Variants in FOXP1 observed in about 807,000 individuals in gnomAD.
The protein encoded by FOXP1 is forkhead box protein P1.
FOXP1 carries 15 observed loss-of-function variants against 98.2 expected under a neutral mutation model. That is an observed-to-expected ratio of 0.15 (90% CI 0.10 to 0.24). The LOEUF is 0.24. FOXP1 is among the 10% of genes least tolerant of loss of function. The pLI is 1.00. For synonymous variants in FOXP1, 371 were observed against 314.5 expected, an observed-to-expected ratio of 1.18 and a Z score of -1.90; for missense variants, 633 against 848.5, an observed-to-expected ratio of 0.75 and a Z score of 3.15.
chr3:71,317,129 T>C (rs1178266211), intron 4 of FOXP1, among the ~76,000 whole-genome samples: 1 of 152,216 alleles, frequency 6.6e-6, no homozygotes, highest in Non-Finnish European at 1.5e-5. Context: ...CCACTTTTAC[T>C]ACCCTCTAGG....
intron 5 of FOXP1, among the ~76,000 whole-genome samples, chr3:71,281,481 C>G (rs989751503): frequency 6.6e-6 from 1 of 152,168 alleles, no homozygotes; most frequent in Non-Finnish European, 1.5e-5. Flanking sequence ...ATTCTGGCTC[C>G]CTGCCCTGTA....
At chr3:70,967,700 G>GTA (rs2035201648) in intron 19 of FOXP1, among the ~76,000 whole-genome samples, 1 of 63,628 alleles carries the variant, frequency 1.6e-5, no homozygotes, top group African/African-American at 5.4e-5. Context: ...TTTTTTTTTT[G>GTA]TTTTTTTTTG....
chr3:71,540,285 T>G (rs2044689692), intron 2 of FOXP1, among the ~76,000 whole-genome samples: 1 of 152,220 alleles, frequency 6.6e-6, no homozygotes, highest in Non-Finnish European at 1.5e-5. Context: ...CTGAGCTTTT[T>G]GCAAACAGCA....
chr3:71,535,181 G>T (rs1002439886), intron 2 of FOXP1, among the ~76,000 whole-genome samples: 2 of 152,188 alleles, frequency 1.3e-5, no homozygotes, highest in Non-Finnish European at 2.9e-5. Context: ...CAAACCAGGT[G>T]CATCTGGCCC....
chr3:70,980,059 C>G (rs958433843), intron 14 of FOXP1, among the ~76,000 whole-genome samples: 1 of 152,106 alleles, frequency 6.6e-6, no homozygotes, highest in Non-Finnish European at 1.5e-5. Context: ...CCCCAGCAAG[C>G]TGAGCAGATG....
Position 71,415,525 on chromosome 3 carries a change from C to T in FOXP1, c.-167-56281G>A, listed in dbSNP as rs1390897445. 2.0e-5 allele frequency among the ~76,000 whole-genome samples: 3 copies of T among 152,062 alleles called. No individual in the cohort carries two copies. In the East Asian group the frequency reaches 5.8e-4, roughly 29 times the overall value. ...AAAGGAATGTAGAAATCATGGATTCCAACTCCCTGGTTTCACAGAGAAGGA... is the reference window on the plus strand; with the variant it reads ...AAAGGAATGTAGAAATCATGGATTCTAACTCCCTGGTTTCACAGAGAAGGA... On this transcript the variant is annotated intron_variant, in intron 3 of 20. Coordinates refer to ENST00000649528, the MANE Select transcript of FOXP1 (RefSeq NM_001349338.3).
chr3:71,263,702 A>G (rs1201526576), intron 5 of FOXP1, among the ~76,000 whole-genome samples: 1 of 152,062 alleles, frequency 6.6e-6, no homozygotes, highest in African/African-American at 2.4e-5. Context: ...CTTAATAATA[A>G]TAATGATCAG....
At chr3:71,359,446 G>A (rs1035423432) in intron 3 of FOXP1, among the ~76,000 whole-genome samples, 12 of 152,192 alleles carry the variant, frequency 7.9e-5, no homozygotes, top group Non-Finnish European at 1.3e-4. Context: ...AATTACAGGA[G>A]GAGGATGCAA....
At chr3:71,140,120 C>G (rs537203086) in intron 6 of FOXP1, among the ~76,000 whole-genome samples, 1 of 152,232 alleles carries the variant, frequency 6.6e-6, no homozygotes, top group Admixed American at 6.5e-5. Context: ...AGGTTGAGTA[C>G]TCCTTATCCA....
intron 5 of FOXP1, among the ~76,000 whole-genome samples, chr3:71,258,463 G>C (rs1489087352): frequency 6.6e-6 from 1 of 152,196 alleles, no homozygotes; most frequent in African/African-American, 2.4e-5. Flanking sequence ...TGTCAATCCT[G>C]AACTCCCAGC....
Position 71,047,011 on chromosome 3 carries a change from A to G in FOXP1, c.595T>C (p.Leu199=). Residue 199 remains leucine, a synonymous_variant, in exon 10 of 21, where the codon TTG becomes CTG. Transcript: ENST00000649528. ...ATTGTCAGAAGGCCTTGGCGCTGCA[A>G]AGACAGGAGGTGCTGCTGCTGTAAC... is the stretch of plus-strand genomic sequence containing the variant. ...QQLQQQHLLS[L]QRQGLLTIQP... 6.2e-7 allele frequency: 1 copy of G among 1,614,124 alleles called. No homozygotes were observed.
intron 7 of FOXP1, among the ~76,000 whole-genome samples, chr3:71,103,131 G>A (rs1450779833): frequency 1.3e-5 from 2 of 152,138 alleles, no homozygotes; most frequent in South Asian, 2.1e-4. Context: ...AGGGTAGGGG[G>A]TTGCAGCCTG....
chr3:70,972,800 C>G, intron 17 of FOXP1, 124 bp from the exon 18 acceptor site: 1 of 908,666 alleles, frequency 1.1e-6, no homozygotes, highest in Non-Finnish European at 1.7e-6. Context: ...AGCTACCACC[C>G]CCGTGGAGGA....
At chr3:70,987,606 G>A (rs928573912) in intron 14 of FOXP1, among the ~76,000 whole-genome samples, 4 of 152,118 alleles carry the variant, frequency 2.6e-5, no homozygotes, top group South Asian at 2.1e-4. Flanking sequence ...CAGCTTACCC[G>A]AGCTGAAATG....
At chr3:71,436,914 C>A (rs2085418560) in intron 3 of FOXP1, among the ~76,000 whole-genome samples, 1 of 152,110 alleles carries the variant, frequency 6.6e-6, no homozygotes, top group African/African-American at 2.4e-5. Flanking sequence ...CAACGCTGAT[C>A]AACACAATTC....
intron 6 of FOXP1, among the ~76,000 whole-genome samples, chr3:71,182,425 CTG>C (rs1360788251): frequency 2.7e-5 from 4 of 150,814 alleles, no homozygotes; most frequent in East Asian, 1.9e-4. Flanking sequence ...TTAAAAATAA[CTG>C]TTCATTTTTA....
At chr3:70,969,422 C>G (rs972793342) in intron 19 of FOXP1, 1 of 152,206 alleles carries the variant, frequency 6.6e-6, no homozygotes, top group Non-Finnish European at 1.5e-5. Flanking sequence ...GCCAGTGAAT[C>G]TGCCTCTAAA....
chr3:71,150,154 T>A (rs977954870), intron 6 of FOXP1, among the ~76,000 whole-genome samples: 2 of 152,204 alleles, frequency 1.3e-5, no homozygotes, highest in African/African-American at 4.8e-5. Context: ...CCCCACCCAA[T>A]TTCCAAAGGA....
At chr3:71,310,693 C>T (rs1466161276) in intron 4 of FOXP1, among the ~76,000 whole-genome samples, 1 of 152,200 alleles carries the variant, frequency 6.6e-6, no homozygotes, top group Non-Finnish European at 1.5e-5. Flanking sequence ...CGTTTCTGCC[C>T]AGAGTCCCCT....
Sources: allele counts gnomAD v4.1 joint callset (sites outside exome capture counted in the v4.1 genomes callset), GRCh38; gene constraint gnomAD v4.1.1; transcripts MANE v1.5; gene names NCBI Gene and HGNC (gene_info 2026-07-23, HGNC 2026-07-21).